Variants in TBC1D21 observed in about 807,000 individuals in gnomAD.
The protein encoded by TBC1D21 is male germ cell Rab GTPase-activating protein.
TBC1D21 carries 38 observed loss-of-function variants against 46.0 expected under a neutral mutation model. The observed-to-expected ratio is 0.83, with a 90% CI of 0.64 to 1.08. TBC1D21 has a LOEUF of 1.08. TBC1D21 is among the 50% of genes least tolerant of loss of function. The pLI is 0.00. For missense variants in TBC1D21, 415 were observed against 417.9 expected (o/e 0.99, Z 0.06); for synonymous variants, 151 against 157.2 (o/e 0.96, Z 0.29).
In TBC1D21 at chr15:73,889,116, G is replaced by T; in HGVS notation, c.*15G>T. 2 of 1,611,608 alleles carry T rather than the reference G, an allele frequency of 1.2e-6. No individual in the cohort carries two copies. The highest frequency in any genetic ancestry group is 1.7e-6 in the Non-Finnish European group (2 of 1,178,896). ...TCTTCCTCTGAGGACACCAAAGCCC[G>T]CAGTGGACTGATGCCTTCGATGGGC... On this transcript the variant is annotated 3_prime_UTR_variant, in exon 11 of 11. Transcript: ENST00000300504.
downstream of TBC1D21, among the ~76,000 whole-genome samples, chr15:73,889,713 T>G (rs2068320989): frequency 6.6e-6 from 1 of 152,268 alleles, no homozygotes; most frequent in Non-Finnish European, 1.5e-5. Flanking sequence ...AATTGTGCCT[T>G]CATTTATCAG....
intron 7 of TBC1D21, 34 bp downstream of exon 7, chr15:73,886,208 C>A (rs537307415): frequency 1.3e-6 from 2 of 1,574,414 alleles, no homozygotes; most frequent in East Asian, 4.5e-5. Flanking sequence ...ACCTCACGCA[C>A]CCCCCAGGCA....
chr15:73,907,038 G>T, the TBC1D21 span, among the ~76,000 whole-genome samples: 1 of 152,128 alleles, frequency 6.6e-6, no homozygotes, highest in African/African-American at 2.4e-5. Context: ...CTGAGGGTAA[G>T]GACCCCAGGC....
At chr15:73,898,976 T>C in the TBC1D21 span, among the ~76,000 whole-genome samples, 9,521 of 148,696 alleles carry the variant, frequency 0.064, 343 homozygotes, top group South Asian at 0.077. Flanking sequence ...TTAATAAAAA[T>C]TTTACCTTTT....
intron 9 of TBC1D21, 131 bp downstream of exon 9, chr15:73,887,867 G>A: frequency 2.8e-6 from 2 of 710,748 alleles, no homozygotes; most frequent in South Asian, 3.5e-5. Flanking sequence ...AGACAGAAAG[G>A]GCAATGAGAT....
At chr15:73,906,293 G>C in the TBC1D21 span, among the ~76,000 whole-genome samples, 1 of 152,234 alleles carries the variant, frequency 6.6e-6, no homozygotes, top group Non-Finnish European at 1.5e-5. Context: ...GGAAGTGGGA[G>C]ACGTATGTGG....
At chr15:73,898,880 A>AAAAAAAAAAAAATATATATAT in the TBC1D21 span, among the ~76,000 whole-genome samples, 3 of 56,800 alleles carry the variant, frequency 5.3e-5, no homozygotes, top group East Asian at 3.6e-4. Context: ...AAAAAAAAAA[A>AAAAAAAAAAAAATATATATAT]ATATATATAT....
intron 1 of TBC1D21, among the ~76,000 whole-genome samples, chr15:73,876,220 T>TGTTTG (rs2068061262): frequency 2.2e-5 from 1 of 46,196 alleles, no homozygotes; most frequent in Non-Finnish European, 3.7e-5. Context: ...TTTTTTTTTT[T>TGTTTG]TTTTTTTTTT....
In TBC1D21 at chr15:73,884,983, CA is replaced by C. The variant is rs753637016; in HGVS notation, c.479-18del. ...GCTCTCCCACCCAGCCCCTCCTCCC[CA>C]ACCCCCTCTTCGCCACAGAGTACCA... is the stretch of plus-strand genomic sequence containing the variant. On this transcript the variant is annotated intron_variant, in intron 5 of 10. Transcript: ENST00000300504. The C allele has an allele frequency of 2.5e-6, 4 of 1,610,836 alleles. No homozygotes were observed. The highest frequency in any genetic ancestry group is 1.7e-6 in the Non-Finnish European group (2 of 1,177,238).
the TBC1D21 span, among the ~76,000 whole-genome samples, chr15:73,898,117 C>T: frequency 6.6e-6 from 1 of 152,230 alleles, no homozygotes; most frequent in African/African-American, 2.4e-5. Context: ...AGGATCTGTC[C>T]TTCAGCCTCC....
At chr15:73,880,911 T>G (rs1222103890) in intron 1 of TBC1D21, among the ~76,000 whole-genome samples, 1 of 152,248 alleles carries the variant, frequency 6.6e-6, no homozygotes, top group East Asian at 1.9e-4. Context: ...AGTCAATGCA[T>G]TATATATTAG....
intron 10 of TBC1D21, 87 bp downstream of exon 10, chr15:73,888,600 CTCCTCT>C (rs2068299529): frequency 6.8e-6 from 6 of 886,204 alleles, no homozygotes; most frequent in Non-Finnish European, 1.1e-5. Context: ...CCTCCTCCTC[CTCCTCT>C]TCTTCCTCCT....
At chr15:73,874,984 C>G (rs1305092835) in intron 1 of TBC1D21, among the ~76,000 whole-genome samples, 3 of 152,146 alleles carry the variant, frequency 2.0e-5, no homozygotes, top group Non-Finnish European at 4.4e-5. Flanking sequence ...CAGTGGCTCA[C>G]GCCTGTAATC....
the TBC1D21 span, among the ~76,000 whole-genome samples, chr15:73,898,880 A>AAAATATATATATATATATAT: frequency 3.5e-5 from 2 of 56,804 alleles, no homozygotes; most frequent in Non-Finnish European, 7.6e-5. Context: ...AAAAAAAAAA[A>AAAATATATATATATATATAT]ATATATATAT....
intron 9 of TBC1D21, 42 bp downstream of exon 9, chr15:73,887,778 G>A: frequency 6.4e-7 from 1 of 1,553,422 alleles, no homozygotes; most frequent in Non-Finnish European, 8.9e-7. Context: ...TGCTCCTGGA[G>A]GCCCTGACAC....
chr15:73,881,346 T>C, intron 1 of TBC1D21, 53 bp from the exon 2 acceptor site: 2 of 1,396,554 alleles, frequency 1.4e-6, no homozygotes, highest in South Asian at 1.2e-5. Flanking sequence ...AAAATCACAC[T>C]TAAAAGCCGA....
chr15:73,891,784 C>T (rs1434620545), downstream of TBC1D21, among the ~76,000 whole-genome samples: 2 of 152,224 alleles, frequency 1.3e-5, no homozygotes, highest in Non-Finnish European at 1.5e-5. Context: ...GCCTTCTTGG[C>T]CCCCCTCTGG....
At chr15:73,886,002 T>C in intron 6 of TBC1D21, 76 bp from the exon 7 acceptor site, 1 of 1,255,176 alleles carries the variant, frequency 8.0e-7, no homozygotes, top group Non-Finnish European at 1.2e-6. Context: ...GAAGTGAAGC[T>C]GGGGGAAGCA....
chr15:73,887,765 C>T (rs2068276979), intron 9 of TBC1D21, 29 bp downstream of exon 9: 1 of 1,592,794 alleles, frequency 6.3e-7, no homozygotes, highest in African/African-American at 1.3e-5. Flanking sequence ...AAGCTACCAC[C>T]CCTGCTCCTG....
Sources: allele counts gnomAD v4.1 joint callset (sites outside exome capture counted in the v4.1 genomes callset), GRCh38; gene constraint gnomAD v4.1.1; transcripts MANE v1.5; gene names NCBI Gene and HGNC (gene_info 2026-07-23, HGNC 2026-07-21).